The following PMVK variants were observed in gnomAD, a reference collection of about 807,000 sequenced individuals.
PMVK encodes phosphomevalonate kinase, also known as testis tissue sperm-binding protein Li 95mP.
PMVK carries 10 observed loss-of-function variants against 19.0 expected under a neutral mutation model. That is an observed-to-expected ratio of 0.53 (90% CI 0.32 to 0.89). The LOEUF is 0.89. Ranked by LOEUF, PMVK falls within the 40% of genes least tolerant of loss-of-function variation. The pLI is 0.03. For missense variants in PMVK, 222 were observed against 251.1 expected (o/e 0.88, Z 0.78); for synonymous variants, 108 against 101.6 (o/e 1.06, Z -0.38).
chr1:154,936,456 C>A, intron 1 of PMVK, 135 bp downstream of exon 1: 1 of 1,475,342 alleles, frequency 6.8e-7, no homozygotes, highest in South Asian at 1.3e-5. Flanking sequence ...ATTCCACCTT[C>A]CCCAGCCCAG....
At chr1:154,938,717 C>T (rs1447655307), upstream of PMVK, among the ~76,000 whole-genome samples, 3 of 152,128 alleles carry the variant, frequency 2.0e-5, no homozygotes, top group Non-Finnish European at 1.5e-5. Flanking sequence ...CCTCAGCATC[C>T]GCTTTGAGTC....
At chr1:154,939,592 G>A (rs1654598884), upstream of PMVK, among the ~76,000 whole-genome samples, 1 of 151,696 alleles carries the variant, frequency 6.6e-6, no homozygotes, top group African/African-American at 2.4e-5. Flanking sequence ...GCTACACTCG[G>A]GAGGCTGAGG....
Position 154,925,184 on chromosome 1 carries a change from T to C in PMVK, c.524A>G (p.Gln175Arg), listed in dbSNP as rs1254481753. Residue 175 changes from glutamine to arginine, a missense_variant, in exon 5 of 5, where the codon CAG (glutamine) becomes CGG (arginine). Physicochemically the swap from Gln to Arg is conservative, Grantham distance 43. Transcript: ENST00000368467. Reference protein sequence around the residue: ...DWVIENHGVEQRLEEQLENLI... With the variant: ...DWVIENHGVERRLEEQLENLI... ...GTTCTCCAACTGCTCCTCCAGGCGC[T>C]GTTCAACTCCATGGTTCTCGATGAC... 6.2e-7 allele frequency: 1 copy of C among 1,611,940 alleles called. No homozygotes were observed. The highest frequency in any genetic ancestry group is 1.7e-5 in the Admixed American group (1 of 59,760).
At chr1:154,937,005 C>T, upstream of PMVK, 1 of 269,636 alleles carries the variant, frequency 3.7e-6, no homozygotes, top group Non-Finnish European at 7.4e-6. Context: ...CACAGCCTGG[C>T]CTGCTTAACT....
chr1:154,940,275 T>C (rs1240368994), upstream of PMVK, among the ~76,000 whole-genome samples: 1 of 152,222 alleles, frequency 6.6e-6, no homozygotes, highest in Non-Finnish European at 1.5e-5. Context: ...GTCCCTTTGA[T>C]TTTGAACAGA....
At chr1:154,929,551 GA>G (rs993969384) in intron 2 of PMVK, among the ~76,000 whole-genome samples, 15 of 151,940 alleles carry the variant, frequency 9.9e-5, no homozygotes, top group African/African-American at 2.2e-4. Context: ...TCTGAGGGGG[GA>G]AAAAAAATCC....
intron 2 of PMVK, among the ~76,000 whole-genome samples, chr1:154,931,601 T>C (rs535544230): frequency 2.0e-5 from 3 of 152,302 alleles, no homozygotes; most frequent in Non-Finnish European, 4.4e-5. Flanking sequence ...CCCAGGCACC[T>C]GAAACAGTGC....
At chr1:154,932,876 G>T (rs1654380367) in intron 1 of PMVK, among the ~76,000 whole-genome samples, 2 of 152,200 alleles carry the variant, frequency 1.3e-5, no homozygotes, top group South Asian at 4.1e-4. Context: ...CAAGGCAGGA[G>T]GAGTGCTTGA....
chr1:154,936,749 C>A (rs1452659735), upstream of PMVK: 35 of 1,393,614 alleles, frequency 2.5e-5, no homozygotes, highest in Non-Finnish European at 3.3e-5. Flanking sequence ...ATCGGGACAC[C>A]GCGCGGAATG....
upstream of PMVK, among the ~76,000 whole-genome samples, chr1:154,941,663 G>A (rs1221818250): frequency 1.3e-5 from 2 of 152,210 alleles, no homozygotes. Flanking sequence ...AAGGAGCAAT[G>A]TGCCTCTGAC....
chr1:154,940,214 C>T (rs1654613840), upstream of PMVK, among the ~76,000 whole-genome samples: 1 of 152,250 alleles, frequency 6.6e-6, no homozygotes, highest in East Asian at 1.9e-4. Flanking sequence ...CTTTCCTCTC[C>T]ACAGCATGTG....
chr1:154,934,703 C>T (rs747113302), intron 1 of PMVK, among the ~76,000 whole-genome samples: 1 of 152,246 alleles, frequency 6.6e-6, no homozygotes, highest in Admixed American at 6.5e-5. Flanking sequence ...AAGCCCTTCA[C>T]ACACATTATC....
chr1:154,938,534 T>A (rs1654578850), upstream of PMVK, among the ~76,000 whole-genome samples: 2 of 152,294 alleles, frequency 1.3e-5, no homozygotes, highest in South Asian at 4.1e-4. Flanking sequence ...AGGCAGAGGT[T>A]GCAGTGAGCC....
intron 2 of PMVK, among the ~76,000 whole-genome samples, chr1:154,930,570 T>A (rs1654304600): frequency 1.9e-5 from 2 of 107,850 alleles, no homozygotes; most frequent in South Asian, 6.7e-4. Flanking sequence ...AAGCAAGACC[T>A]GTCTGGGAAC....
Position 154,936,666 on chromosome 1 carries a change from G to A in PMVK, c.20C>T (p.Ala7Val). MAPLGG[A>V]PRLVLLFSGK... is the part of the protein sequence containing the mutation. ...GCTGAACAGCAGTACCAGCCGCGGG[G>A]CGCCTCCCAGCGGGGCCATGGGGCC... The change falls in exon 1 of 5, where the codon GCC (alanine) becomes GTC (valine). Residue 7 changes from alanine to valine, a missense_variant. Physicochemically the swap from Ala to Val is moderately conservative, Grantham distance 64. Transcript: ENST00000368467. The A allele has an allele frequency of 1.2e-6, 2 of 1,607,434 alleles. No individual in the cohort carries two copies. Among genetic ancestry groups the A allele is most frequent in the Non-Finnish European group, 1.7e-6 (2 of 1,177,514 alleles).
chr1:154,926,290 C>A, intron 4 of PMVK, 64 bp downstream of exon 4: 1 of 1,529,998 alleles, frequency 6.5e-7, no homozygotes, highest in South Asian at 1.2e-5. Context: ...CAGGCCTGCC[C>A]GGTAGACAAA....
chr1:154,929,301 G>A lies in PMVK; in HGVS notation c.160-125C>T, dbSNP rs1005938958. ...CAGGGCTGATGCAAGGATTAATGAG[G>A]TTTCAGCCAGGACAAAGGTCTGCAA... On this transcript the variant is annotated intron_variant, in intron 2 of 4. Transcript: ENST00000368467. 4.8e-6 allele frequency: 4 copies of A among 826,668 alleles called. No individual in the cohort carries two copies. In the African/African-American group the frequency reaches 5.1e-5, roughly 11 times the overall value. The allele number at this position is 826,668 out of a possible 1,614,324, so 51.2% of individuals were successfully genotyped here.
rs141262402 is a variant in PMVK at position 154,926,424 on chromosome 1, G to A, written c.372C>T (p.Ala124=). Residue 124 remains alanine (A), a synonymous_variant, in exon 4 of 5, where the codon GCC becomes GCT. Coordinates refer to ENST00000368467, the MANE Select transcript of PMVK (RefSeq NM_006556.4). ...CTACAACGCGGACCGTCTGCGTCAC[G>A]GCCCCATAGGCCTCCCGAAACCACT... The part of the protein sequence containing the change: ...DIQWFREAYG[A]VTQTVRVVAL... The A allele has an allele frequency of 1.9e-5, 30 of 1,613,596 alleles. No homozygotes were observed. Among genetic ancestry groups the A allele is most frequent in the African/African-American group, 1.7e-4 (13 of 74,888 alleles).
intron 3 of PMVK, 110 bp from the exon 4 acceptor site, chr1:154,926,593 T>A: frequency 1.2e-6 from 1 of 836,136 alleles, no homozygotes; most frequent in East Asian, 2.6e-5. Context: ...TACCCCCCCA[T>A]CATCGTGAGC....
Sources: allele counts gnomAD v4.1 joint callset (sites outside exome capture counted in the v4.1 genomes callset), GRCh38; gene constraint gnomAD v4.1.1; transcripts MANE v1.5; gene names NCBI Gene and HGNC (gene_info 2026-07-23, HGNC 2026-07-21).